Variants in TBC1D5 observed in about 807,000 individuals in gnomAD.
TBC1D5 encodes TBC1 domain family, member 5.
In TBC1D5, 75 loss-of-function variants were observed where a neutral mutation model predicts 100.3. That is an observed-to-expected ratio of 0.75 (90% CI 0.62 to 0.91). The LOEUF (loss-of-function observed/expected upper bound fraction) is 0.91, where lower values mean the gene tolerates loss of function less well. TBC1D5 is among the 40% of genes least tolerant of loss of function. TBC1D5 has a pLI of 0.00. For missense variants in TBC1D5, 910 were observed against 942.4 expected, an observed-to-expected ratio of 0.97 and a Z score of 0.45; for synonymous variants, 323 against 325.6, an observed-to-expected ratio of 0.99 and a Z score of 0.09.
At chr3:17,250,951 A>G (rs1023615483) in intron 16 of TBC1D5, among the ~76,000 whole-genome samples, 3 of 152,230 alleles carry the variant, frequency 2.0e-5, no homozygotes, top group African/African-American at 7.2e-5. Context: ...TCAAATCCAC[A>G]ACTAGTAAAA....
At chr3:17,341,358 G>A (rs1274164296) in intron 13 of TBC1D5, among the ~76,000 whole-genome samples, 10 of 151,984 alleles carry the variant, frequency 6.6e-5, no homozygotes, top group African/African-American at 1.5e-4. Context: ...CACCACGCCC[G>A]GCTAATTTTT....
chr3:17,439,565 C>A (rs888531569), intron 3 of TBC1D5, among the ~76,000 whole-genome samples: 2 of 151,516 alleles, frequency 1.3e-5, no homozygotes, highest in African/African-American at 4.8e-5. Flanking sequence ...TAATGTTTAC[C>A]AATTCCTTCA....
intron 2 of TBC1D5, among the ~76,000 whole-genome samples, chr3:17,589,917 G>A (rs548585148): frequency 4.1e-4 from 63 of 152,254 alleles, no homozygotes; most frequent in African/African-American, 1.4e-3. Context: ...TGGGGAGAAG[G>A]AGCCATAAGA....
At chr3:17,524,459 A>T (rs1462607425) in intron 2 of TBC1D5, 3 of 152,236 alleles carry the variant, frequency 2.0e-5, no homozygotes, top group Non-Finnish European at 2.9e-5. Flanking sequence ...ATGCAGAAAG[A>T]AGTTGATTGT....
intron 2 of TBC1D5, chr3:17,546,934 G>C (rs2096422461): frequency 6.6e-6 from 1 of 152,066 alleles, no homozygotes; most frequent in South Asian, 2.1e-4. Flanking sequence ...TAACATTCTA[G>C]AGTCACAATT....
At chr3:17,574,594 T>C (rs1202529065) in intron 2 of TBC1D5, among the ~76,000 whole-genome samples, 1 of 152,112 alleles carries the variant, frequency 6.6e-6, no homozygotes, top group Non-Finnish European at 1.5e-5. Flanking sequence ...GGAAGGGCCA[T>C]GTTGCTTGTC....
At chr3:17,213,255 G>A (rs187834293) in intron 18 of TBC1D5, among the ~76,000 whole-genome samples, 4 of 152,222 alleles carry the variant, frequency 2.6e-5, no homozygotes, top group Admixed American at 6.5e-5. Flanking sequence ...TGTAGTAGGC[G>A]GTACCATGTA....
chr3:17,601,239 A>G (rs1354737243), intron 2 of TBC1D5, among the ~76,000 whole-genome samples: 3 of 152,242 alleles, frequency 2.0e-5, no homozygotes, highest in Non-Finnish European at 4.4e-5. Flanking sequence ...GGCCGGGTGC[A>G]GTGGCTCATG....
intron 19 of TBC1D5, among the ~76,000 whole-genome samples, chr3:17,169,349 G>A (rs1413139494): frequency 6.6e-6 from 1 of 152,206 alleles, no homozygotes; most frequent in Non-Finnish European, 1.5e-5. Context: ...CTTGGAGCTT[G>A]CATATCAAAA....
chr3:17,659,916 T>C (rs1484849788), intron 1 of TBC1D5, among the ~76,000 whole-genome samples: 1 of 152,136 alleles, frequency 6.6e-6, no homozygotes, highest in Non-Finnish European at 1.5e-5. Context: ...GAAAAAAACC[T>C]AGTTACACAT....
chr3:17,519,492 T>C (rs1478178097), intron 2 of TBC1D5, among the ~76,000 whole-genome samples: 1 of 152,214 alleles, frequency 6.6e-6, no homozygotes, highest in East Asian at 1.9e-4. Flanking sequence ...TCTCCTAATT[T>C]GATTCAGATG....
chr3:17,533,317 A>T (rs1264098436), intron 2 of TBC1D5, among the ~76,000 whole-genome samples: 1 of 152,210 alleles, frequency 6.6e-6, no homozygotes, highest in Non-Finnish European at 1.5e-5. Flanking sequence ...TCAACAAAAC[A>T]TATCAATTTC....
intron 3 of TBC1D5, among the ~76,000 whole-genome samples, chr3:17,482,004 G>A (rs1259208094): frequency 6.6e-6 from 1 of 152,140 alleles, no homozygotes; most frequent in Non-Finnish European, 1.5e-5. Context: ...GCTTCCCAAA[G>A]TGCTGGGATT....
chr3:17,157,382 C>A (rs913108694), exon 22 of TBC1D5: 4 of 152,246 alleles, frequency 2.6e-5, no homozygotes, highest in African/African-American at 9.6e-5. Context: ...TGGTCTCAAG[C>A]CTGTTTATAC....
rs116826885 is a variant in TBC1D5 at position 17,442,082 on chromosome 3, T to C, written c.98-13563A>G. On this transcript the variant is annotated intron_variant, in intron 3 of 21. Coordinates refer to ENST00000253692, the Ensembl canonical transcript of TBC1D5. Reference sequence around the variant, plus strand: ...CAGTGGTGTTGAGTTTTCTGTTCTTTCTTCTCCTTTATTTACCACAACAGG... The same window carrying C: ...CAGTGGTGTTGAGTTTTCTGTTCTTCCTTCTCCTTTATTTACCACAACAGG... 9.9e-3 allele frequency among the ~76,000 whole-genome samples: 1,505 copies of C among 152,348 alleles called. 28 individuals are homozygous for C. Among genetic ancestry groups the C allele is most frequent in the African/African-American group, 0.034 (1,409 of 41,570 alleles).
chr3:17,446,970 CA>C (rs559803528), intron 3 of TBC1D5, among the ~76,000 whole-genome samples: 217 of 123,828 alleles, frequency 1.8e-3, no homozygotes, highest in Middle Eastern at 4.1e-3. Flanking sequence ...GACTCCAACT[CA>C]AAAAAAAAAA....
intron 3 of TBC1D5, among the ~76,000 whole-genome samples, chr3:17,494,479 G>T (rs569884130): frequency 6.6e-6 from 1 of 152,184 alleles, no homozygotes; most frequent in Non-Finnish European, 1.5e-5. Flanking sequence ...TCCTCGTCTG[G>T]ACTGCCCAGA....
chr3:17,590,878 TCCTA>T (rs977580593), intron 2 of TBC1D5, among the ~76,000 whole-genome samples: 70 of 152,056 alleles, frequency 4.6e-4, no homozygotes, highest in African/African-American at 1.7e-3. Flanking sequence ...CCTACTGCAT[TCCTA>T]CCTAATTTAC....
chr3:17,445,266 C>T (rs982443587), intron 3 of TBC1D5, among the ~76,000 whole-genome samples: 1 of 151,974 alleles, frequency 6.6e-6, no homozygotes, highest in African/African-American at 2.4e-5. Context: ...CCAATAATGG[C>T]CTCTTTTCAT....
Sources: gnomAD v4.1 joint callset for allele counts (sites outside exome capture counted in the v4.1 genomes callset) on GRCh38, gnomAD v4.1.1 for gene constraint, MANE v1.5 for transcripts, NCBI Gene and HGNC (gene_info 2026-07-23, HGNC 2026-07-21) for gene names.